CDK14: variants seen among roughly 807,000 people sequenced by gnomAD.
CDK14 encodes the protein cyclin-dependent kinase 14.
In CDK14, 34 loss-of-function variants were observed where a neutral mutation model predicts 60.7. That is an observed-to-expected ratio of 0.56 (90% CI 0.43 to 0.75). The LOEUF is 0.75. Ranked by LOEUF, CDK14 falls within the 30% of genes least tolerant of loss-of-function variation. The pLI is 0.00. For missense variants in CDK14, 482 were observed against 564.1 expected, an observed-to-expected ratio of 0.85 and a Z score of 1.47; for synonymous variants, 197 against 203.7, an observed-to-expected ratio of 0.97 and a Z score of 0.28.
chr7:91,076,887 A>T (rs1303086022), intron 11 of CDK14, among the ~76,000 whole-genome samples: 1 of 152,228 alleles, frequency 6.6e-6, no homozygotes, highest in African/African-American at 2.4e-5. Flanking sequence ...GCCAACAAAC[A>T]TATGAAAAAA....
intron 4 of CDK14, among the ~76,000 whole-genome samples, chr7:90,771,428 T>C (rs1804778550): frequency 6.6e-6 from 1 of 152,172 alleles, no homozygotes; most frequent in Non-Finnish European, 1.5e-5. Context: ...TGAGTTCTTG[T>C]CTTATGACCA....
At chr7:91,079,590 T>G in intron 12 of CDK14, 110 bp downstream of exon 12, 1 of 809,620 alleles carries the variant, frequency 1.2e-6, no homozygotes. Flanking sequence ...GTGTATTTAT[T>G]CATTCATTTA....
chr7:90,687,692 G>A (rs1801465602), intron 2 of CDK14, among the ~76,000 whole-genome samples: 1 of 152,064 alleles, frequency 6.6e-6, no homozygotes, highest in Non-Finnish European at 1.5e-5. Flanking sequence ...TTGGGTAAGA[G>A]TCTCCTTCTC....
At chr7:90,673,626 A>AT (rs1235379560) in intron 2 of CDK14, among the ~76,000 whole-genome samples, 10 of 152,136 alleles carry the variant, frequency 6.6e-5, no homozygotes, top group Non-Finnish European at 1.5e-4. Flanking sequence ...TGTTAACAGT[A>AT]TTTTTTCTAG....
At chr7:90,830,304 C>T (rs1051793816) in intron 5 of CDK14, among the ~76,000 whole-genome samples, 2 of 152,212 alleles carry the variant, frequency 1.3e-5, no homozygotes, top group African/African-American at 4.8e-5. Flanking sequence ...ACATGGAAGC[C>T]TCCAAGGCTC....
intron 2 of CDK14, among the ~76,000 whole-genome samples, chr7:90,639,044 C>A (rs2116432660): frequency 6.6e-6 from 1 of 152,240 alleles, no homozygotes; most frequent in East Asian, 1.9e-4. Flanking sequence ...AAATTTTTTT[C>A]AAAGTTTTCA....
intron 10 of CDK14, among the ~76,000 whole-genome samples, chr7:91,017,410 C>T (rs974966797): frequency 1.3e-5 from 2 of 152,170 alleles, no homozygotes; most frequent in African/African-American, 2.4e-5. Context: ...TTATTAAATA[C>T]TCTCAAATAT....
At position 91,118,167 on chromosome 7, in the gene CDK14, A is replaced by T. The variant is rs1403771836; in HGVS notation, c.1397A>T (p.Asn466Ile). Residue 466 changes from asparagine (N) to isoleucine (I), a missense_variant, in exon 14 of 15, where the codon AAC (asparagine) becomes ATC (isoleucine). Asn to Ile is a moderately radical substitution (Grantham distance 149). Coordinates refer to ENST00000380050, the MANE Select transcript of CDK14 (RefSeq NM_001287135.2). ...KNNSYGKSLS[N>I]SKH ...AATAGTTATGGCAAAAGTCTATCAAACAGCAAGCACTGACAAGCAGCACAT... is the reference window on the plus strand; with the variant it reads ...AATAGTTATGGCAAAAGTCTATCAATCAGCAAGCACTGACAAGCAGCACAT... 6.2e-7 allele frequency: 1 copy of T among 1,607,882 alleles called. No individual in the cohort carries two copies. Among genetic ancestry groups the T allele is most frequent in the Admixed American group, 1.7e-5 (1 of 59,964 alleles).
In CDK14 at chr7:91,122,405, TA is replaced by T. The variant is rs571222606; in HGVS notation, c.*28+4198del. ...TAATTAAATGAGATAAAGATTTTTT[TA>T]GAAACCTGCTTTTAGACAGAACACA... On this transcript the variant is annotated intron_variant, in intron 14 of 14. Transcript: ENST00000380050. 1.9e-3 allele frequency among the ~76,000 whole-genome samples: 286 copies of T among 152,330 alleles called. 1 individual carries two copies. Among genetic ancestry groups the T allele is most frequent in the Non-Finnish European group, 3.3e-3 (225 of 68,020 alleles).
At chr7:91,075,469 CA>C (rs1798273757) in intron 11 of CDK14, among the ~76,000 whole-genome samples, 1 of 152,092 alleles carries the variant, frequency 6.6e-6, no homozygotes, top group South Asian at 2.1e-4. Context: ...GAAGTACCTC[CA>C]AATAATAAGA....
At chr7:90,938,005 T>A (rs530667833) in intron 8 of CDK14, among the ~76,000 whole-genome samples, 1 of 152,256 alleles carries the variant, frequency 6.6e-6, no homozygotes, top group East Asian at 1.9e-4. Context: ...TAAGTTCATG[T>A]TACACAATTT....
intron 3 of CDK14, among the ~76,000 whole-genome samples, chr7:90,732,448 C>T (rs554203560): frequency 6.6e-5 from 10 of 152,216 alleles, no homozygotes; most frequent in Non-Finnish European, 2.9e-5. Flanking sequence ...TGGTAGAATT[C>T]GGCTGTGAAT....
At chr7:90,714,174 TG>T (rs1470224247) in intron 2 of CDK14, among the ~76,000 whole-genome samples, 1 of 152,112 alleles carries the variant, frequency 6.6e-6, no homozygotes, top group African/African-American at 2.4e-5. Context: ...TCCAATATCC[TG>T]TTTATCATCT....
At chr7:90,840,906 TTGA>T in intron 5 of CDK14, among the ~76,000 whole-genome samples, 2 of 12,370 alleles carry the variant, frequency 1.6e-4, no homozygotes, top group Non-Finnish European at 3.0e-4. Context: ...AACTTTTTCA[TTGA>T]CATTGTGTCT....
chr7:90,813,729 A>G, intron 5 of CDK14, among the ~76,000 whole-genome samples: 1 of 152,116 alleles, frequency 6.6e-6, no homozygotes, highest in Non-Finnish European at 1.5e-5. Context: ...AGCCTGGGCA[A>G]CAAAGCGAGA....
intron 14 of CDK14, among the ~76,000 whole-genome samples, chr7:91,176,624 C>T (rs1425769251): frequency 6.6e-6 from 1 of 151,990 alleles, no homozygotes; most frequent in Non-Finnish European, 1.5e-5. Flanking sequence ...TGATAAAGGG[C>T]ATATCACCAC....
At chr7:90,892,422 T>C (rs897614730) in intron 6 of CDK14, among the ~76,000 whole-genome samples, 3 of 152,244 alleles carry the variant, frequency 2.0e-5, no homozygotes, top group African/African-American at 7.2e-5. Context: ...TGAGTCAGTA[T>C]AGTTCTCAGA....
chr7:90,791,853 G>C (rs1562771782), intron 5 of CDK14, among the ~76,000 whole-genome samples: 1 of 151,526 alleles, frequency 6.6e-6, no homozygotes. Flanking sequence ...TTTTCTCTTA[G>C]GCTGACCTTT....
intron 10 of CDK14, among the ~76,000 whole-genome samples, chr7:90,996,148 G>T (rs1416895779): frequency 2.0e-5 from 3 of 152,158 alleles, no homozygotes; most frequent in African/African-American, 7.2e-5. Context: ...CTAGTATCAG[G>T]TGACTATTAT....
Sources: allele counts gnomAD v4.1 joint callset (sites outside exome capture counted in the v4.1 genomes callset), GRCh38; gene constraint gnomAD v4.1.1; transcripts MANE v1.5; gene names NCBI Gene and HGNC (gene_info 2026-07-23, HGNC 2026-07-21).